Variants in GALNT13 observed in about 807,000 individuals in gnomAD.
The protein encoded by GALNT13 is UDP-GalNAc:polypeptide N-acetylgalactosaminyltransferase 13.
Under a neutral mutation model 64.2 loss-of-function variants are expected in GALNT13, and 28 were observed. The observed-to-expected ratio is 0.44, with a 90% CI of 0.32 to 0.60. GALNT13 has a LOEUF of 0.60. Ranked by LOEUF, GALNT13 falls within the 20% of genes least tolerant of loss-of-function variation. The probability of loss-of-function intolerance (pLI) is 0.05; values close to 1 mark genes in which losing one functional copy is unlikely to be tolerated. For missense variants in GALNT13, 577 were observed against 669.8 expected (o/e 0.86, Z 1.53); for synonymous variants, 214 against 224.6 (o/e 0.95, Z 0.42).
chr2:154,267,361 C>T (rs140710388), intron 8 of GALNT13, among the ~76,000 whole-genome samples: 156 of 152,180 alleles, frequency 1.0e-3, no homozygotes, highest in Non-Finnish European at 2.0e-3. Flanking sequence ...CTTTTCAGGC[C>T]GGGCATGGTG....
the GALNT13 span, among the ~76,000 whole-genome samples, chr2:153,134,904 AAATC>A: frequency 1.4e-4 from 22 of 152,174 alleles, no homozygotes; most frequent in Admixed American, 2.6e-4. Context: ...TAACTTAAAT[AAATC>A]AAGCATGAGC....
chr2:153,725,232 C>T, the GALNT13 span, among the ~76,000 whole-genome samples: 1 of 147,146 alleles, frequency 6.8e-6, no homozygotes, highest in Non-Finnish European at 1.5e-5. Context: ...CGCATATTCT[C>T]CCTCATAGGT....
At chr2:153,538,035 G>A in the GALNT13 span, among the ~76,000 whole-genome samples, 1 of 152,174 alleles carries the variant, frequency 6.6e-6, no homozygotes, top group South Asian at 2.1e-4. Flanking sequence ...GGTTGGAACA[G>A]TTTGGGGGAC....
At chr2:153,930,664 G>C (rs1367081010) in intron 2 of GALNT13, among the ~76,000 whole-genome samples, 1 of 151,968 alleles carries the variant, frequency 6.6e-6, no homozygotes, top group Admixed American at 6.6e-5. Flanking sequence ...TCTTTCTTCT[G>C]TTCCACTGGT....
At chr2:153,830,478 A>T in the GALNT13 span, among the ~76,000 whole-genome samples, 1 of 152,174 alleles carries the variant, frequency 6.6e-6, no homozygotes, top group Non-Finnish European at 1.5e-5. Context: ...TCAGCTGAGC[A>T]TGGGAATGCC....
intron 3 of GALNT13, among the ~76,000 whole-genome samples, chr2:154,079,239 G>T (rs1251786720): frequency 6.6e-6 from 1 of 151,486 alleles, no homozygotes; most frequent in Admixed American, 6.6e-5. Context: ...TATAATTAGT[G>T]AGATAAAATT....
At chr2:154,106,644 A>T (rs1702631240) in intron 3 of GALNT13, among the ~76,000 whole-genome samples, 1 of 151,866 alleles carries the variant, frequency 6.6e-6, no homozygotes, top group South Asian at 2.1e-4. Flanking sequence ...ATTATTATAG[A>T]AGTCAGGTAG....
the GALNT13 span, among the ~76,000 whole-genome samples, chr2:153,671,325 G>C: frequency 6.6e-6 from 1 of 152,278 alleles, no homozygotes; most frequent in East Asian, 1.9e-4. Flanking sequence ...CCCACAAAGG[G>C]AAGCTCGTCA....
At chr2:153,730,179 CT>C in the GALNT13 span, among the ~76,000 whole-genome samples, 1 of 151,914 alleles carries the variant, frequency 6.6e-6, no homozygotes, top group Non-Finnish European at 1.5e-5. Flanking sequence ...ATCACATTAC[CT>C]GACTTCAAAT....
In GALNT13 at chr2:153,953,949, A is replaced by G. The variant is rs185729960; in HGVS notation, c.142+9310A>G. 9.7e-4 allele frequency among the ~76,000 whole-genome samples: 148 copies of G among 152,272 alleles called. 1 individual carries two copies. Among genetic ancestry groups the G allele is most frequent in the Non-Finnish European group, 3.2e-4 (22 of 68,020 alleles). ...GCCAGGGAGGCTAAGGTTTCTTCTC[A>G]TAAATCCAGGGAGACAGATGGCCTT... is the stretch of plus-strand genomic sequence containing the variant. On this transcript the variant is annotated intron_variant, in intron 3 of 12. Transcript: ENST00000392825.
At chr2:153,614,860 C>T in the GALNT13 span, among the ~76,000 whole-genome samples, 2 of 152,148 alleles carry the variant, frequency 1.3e-5, no homozygotes, top group Admixed American at 6.5e-5. Context: ...TCCCCTCAAG[C>T]ACTTATCCTT....
At chr2:153,614,045 G>T in the GALNT13 span, among the ~76,000 whole-genome samples, 1 of 151,894 alleles carries the variant, frequency 6.6e-6, no homozygotes, top group Non-Finnish European at 1.5e-5. Context: ...GTTTTGTTGA[G>T]TATTTCCCAA....
At chr2:154,344,288 G>C (rs1001501958) in intron 9 of GALNT13, among the ~76,000 whole-genome samples, 2 of 107,538 alleles carry the variant, frequency 1.9e-5, no homozygotes, top group African/African-American at 5.5e-5. Flanking sequence ...TGACTCGCCT[G>C]ACAAAGACTT....
intron 8 of GALNT13, among the ~76,000 whole-genome samples, chr2:154,264,216 T>C (rs932176897): frequency 1.3e-5 from 2 of 152,164 alleles, no homozygotes; most frequent in Non-Finnish European, 2.9e-5. Flanking sequence ...AGAGGTCTCA[T>C]TGCCCAGTGA....
the GALNT13 span, among the ~76,000 whole-genome samples, chr2:153,307,725 G>A: frequency 3.3e-5 from 5 of 151,962 alleles, no homozygotes; most frequent in Admixed American, 6.6e-5. Flanking sequence ...TTAAAGTGGT[G>A]AGATCATAGA....
chr2:153,116,244 T>A, the GALNT13 span, among the ~76,000 whole-genome samples: 2 of 152,180 alleles, frequency 1.3e-5, no homozygotes, highest in East Asian at 3.8e-4. Context: ...ATTAACTTAT[T>A]TGGCATGTTT....
chr2:153,521,188 A>G, the GALNT13 span, among the ~76,000 whole-genome samples: 6 of 152,108 alleles, frequency 3.9e-5, no homozygotes, highest in Non-Finnish European at 8.8e-5. Context: ...AGAGCTCCAA[A>G]CATTCTTTTA....
chr2:153,725,843 C>T, the GALNT13 span, among the ~76,000 whole-genome samples: 1 of 129,852 alleles, frequency 7.7e-6, no homozygotes, highest in African/African-American at 3.6e-5. Context: ...TTTTCCCCCT[C>T]TTTGTGAAAT....
At chr2:154,439,961 A>C (rs2105474900) in intron 12 of GALNT13, among the ~76,000 whole-genome samples, 1 of 152,186 alleles carries the variant, frequency 6.6e-6, no homozygotes, top group Admixed American at 6.5e-5. Flanking sequence ...TTTTCTCTTC[A>C]ACTATTATTT....
Sources: gnomAD v4.1 joint callset for allele counts (sites outside exome capture counted in the v4.1 genomes callset) on GRCh38, gnomAD v4.1.1 for gene constraint, MANE v1.5 for transcripts, NCBI Gene and HGNC (gene_info 2026-07-23, HGNC 2026-07-21) for gene names.